Variants in SPON1 observed in about 807,000 individuals in gnomAD.
SPON1 encodes the protein spondin-1.
In SPON1, 52 loss-of-function variants were observed where a neutral mutation model predicts 111.7. That is an observed-to-expected ratio of 0.47 (90% CI 0.37 to 0.59). The LOEUF (loss-of-function observed/expected upper bound fraction) is 0.59, where lower values mean the gene tolerates loss of function less well. Ranked by LOEUF, SPON1 falls within the 20% of genes least tolerant of loss-of-function variation. SPON1 has a pLI of 0.00. For synonymous variants in SPON1, 410 were observed against 395.8 expected, an observed-to-expected ratio of 1.04 and a Z score of -0.43; for missense variants, 957 against 1,068.5, an observed-to-expected ratio of 0.90 and a Z score of 1.46.
rs529576309 is a variant in SPON1 at position 14,233,882 on chromosome 11, C to T, written c.826-9450C>T. On this transcript the variant is annotated intron_variant, in intron 6 of 15. Transcript: ENST00000576479. ...AGTTCAAGCAATTCCCCTGCCTCAG[C>T]CTCCCAAGTAGCTGGGATTACAGGT... Among the ~76,000 whole-genome samples, 12 of 151,508 alleles carry T rather than the reference C, an allele frequency of 7.9e-5. No individual in the cohort carries two copies. The South Asian group carries it at 2.1e-3, about 26-fold the overall frequency.
chr11:14,182,814 C>T (rs1176846103), intron 6 of SPON1, among the ~76,000 whole-genome samples: 1 of 152,204 alleles, frequency 6.6e-6, no homozygotes, highest in African/African-American at 2.4e-5. Context: ...GAAGGAACTT[C>T]AACCTCTGCC....
chr11:14,146,592 A>C (rs1847722280), intron 6 of SPON1, among the ~76,000 whole-genome samples: 1 of 152,232 alleles, frequency 6.6e-6, no homozygotes, highest in Admixed American at 6.5e-5. Context: ...TAATTTTTTA[A>C]AAATTATACA....
intron 14 of SPON1, chr11:14,262,306 C>CAAAG (rs1213051222): frequency 8.6e-6 from 2 of 233,644 alleles, no homozygotes; most frequent in African/African-American, 4.4e-5. Context: ...TTGTTCTCTC[C>CAAAG]AAAGAGCAGC....
At chr11:14,061,231 T>G in intron 3 of SPON1, among the ~76,000 whole-genome samples, 1 of 152,232 alleles carries the variant, frequency 6.6e-6, no homozygotes, top group East Asian at 1.9e-4. Flanking sequence ...TATTGTACCA[T>G]GTCTTTAGCA....
chr11:14,071,341 G>A (rs1554920869), intron 3 of SPON1, among the ~76,000 whole-genome samples: 1 of 152,008 alleles, frequency 6.6e-6, no homozygotes, highest in East Asian at 1.9e-4. Context: ...TCTTCCTCAG[G>A]GTTCTGGGCT....
intron 6 of SPON1, among the ~76,000 whole-genome samples, chr11:14,194,928 G>A (rs1303496088): frequency 6.6e-6 from 1 of 152,084 alleles, no homozygotes; most frequent in African/African-American, 2.4e-5. Context: ...GGAAAGCATG[G>A]GTAAATTCTT....
chr11:14,037,069 T>C (rs528028434), intron 2 of SPON1, among the ~76,000 whole-genome samples: 2 of 152,142 alleles, frequency 1.3e-5, no homozygotes, highest in Non-Finnish European at 2.9e-5. Context: ...AGACCGTAAC[T>C]GGAGGGGGAT....
intron 5 of SPON1, among the ~76,000 whole-genome samples, chr11:14,080,983 G>A (rs1848957725): frequency 6.6e-6 from 1 of 152,060 alleles, no homozygotes; most frequent in Non-Finnish European, 1.5e-5. Flanking sequence ...CTACTCAAGA[G>A]GCTAAGGCAG....
intron 2 of SPON1, among the ~76,000 whole-genome samples, chr11:14,033,611 G>A (rs1168460283): frequency 6.6e-6 from 1 of 152,170 alleles, no homozygotes; most frequent in East Asian, 1.9e-4. Context: ...CATGATGTAG[G>A]TTTCAAAATG....
At chr11:14,016,627 A>G (rs572948568) in intron 2 of SPON1, among the ~76,000 whole-genome samples, 1 of 152,330 alleles carries the variant, frequency 6.6e-6, no homozygotes, top group South Asian at 2.1e-4. Flanking sequence ...TAAAAAAAGA[A>G]ATATATACCC....
At chr11:14,201,768 GATT>G (rs1381419442) in intron 6 of SPON1, among the ~76,000 whole-genome samples, 1 of 152,082 alleles carries the variant, frequency 6.6e-6, no homozygotes, top group African/African-American at 2.4e-5. Flanking sequence ...GTATGATGAT[GATT>G]ATTATTATTA....
rs140589844 is a variant in SPON1 at position 14,063,970 on chromosome 11, G to A, written c.480-11375G>A. On this transcript the variant is annotated intron_variant, in intron 3 of 15. Transcript: ENST00000576479. Reference sequence around the variant, plus strand: ...GTTTGCTGATCACACAGCACTCTGGGTGGCACTGCTAATACAGAGGAGTTT... The same window carrying A: ...GTTTGCTGATCACACAGCACTCTGGATGGCACTGCTAATACAGAGGAGTTT... Among the ~76,000 whole-genome samples the A allele has an allele frequency of 4.4e-3, 669 of 152,332 alleles. 3 individuals carry two copies. The highest frequency in any genetic ancestry group is 0.015 in the African/African-American group (635 of 41,566).
chr11:14,091,547 C>T (rs2133838633), intron 5 of SPON1, among the ~76,000 whole-genome samples: 1 of 152,332 alleles, frequency 6.6e-6, no homozygotes, highest in East Asian at 1.9e-4. Flanking sequence ...GGACCCAGTA[C>T]ACCCTCCGCA....
intron 6 of SPON1, among the ~76,000 whole-genome samples, chr11:14,150,694 T>A (rs1198185131): frequency 6.6e-6 from 1 of 152,158 alleles, no homozygotes; most frequent in Non-Finnish European, 1.5e-5. Context: ...GTCTCATTAA[T>A]GTTTTCGTTA....
At chr11:14,146,788 A>G (rs1554929386) in intron 6 of SPON1, among the ~76,000 whole-genome samples, 1 of 152,162 alleles carries the variant, frequency 6.6e-6, no homozygotes, top group Admixed American at 6.5e-5. Context: ...AAGTCCAGAA[A>G]TAGACACAAA....
Position 14,229,543 on chromosome 11 carries a change from T to C in SPON1, c.826-13789T>C, listed in dbSNP as rs555503363. ...TCATCAGAGGCACCCCCTTCATTACTATTCACCTGGCCCTGACTGATACCG... is the reference window on the plus strand; with the variant it reads ...TCATCAGAGGCACCCCCTTCATTACCATTCACCTGGCCCTGACTGATACCG... On this transcript the variant is annotated intron_variant, in intron 6 of 15. Transcript: ENST00000576479. Among the ~76,000 whole-genome samples the C allele has an allele frequency of 2.6e-5, 4 of 152,284 alleles. No homozygotes were observed. The East Asian group carries it at 7.7e-4, about 29-fold the overall frequency.
At chr11:14,059,849 T>G (rs1010552836) in intron 3 of SPON1, among the ~76,000 whole-genome samples, 3 of 152,152 alleles carry the variant, frequency 2.0e-5, no homozygotes, top group African/African-American at 7.2e-5. Context: ...ACCTGCCTGG[T>G]GATCAATACA....
At chr11:14,004,645 G>A (rs1554912887) in intron 2 of SPON1, among the ~76,000 whole-genome samples, 2 of 152,126 alleles carry the variant, frequency 1.3e-5, no homozygotes, top group Non-Finnish European at 2.9e-5. Flanking sequence ...TGGAAAAAAT[G>A]TCTGTTCAGG....
chr11:14,086,558 T>C (rs1849008136), intron 5 of SPON1, among the ~76,000 whole-genome samples: 2 of 152,230 alleles, frequency 1.3e-5, no homozygotes, highest in Admixed American at 6.5e-5. Context: ...CGGTATTTTA[T>C]TGAGGATTTT....
Sources: allele counts gnomAD v4.1 joint callset (sites outside exome capture counted in the v4.1 genomes callset), GRCh38; gene constraint gnomAD v4.1.1; transcripts MANE v1.5; gene names NCBI Gene and HGNC (gene_info 2026-07-23, HGNC 2026-07-21).